Variants in PRKD1 observed in about 807,000 individuals in gnomAD.
PRKD1 encodes protein kinase D1.
PRKD1 carries 63 observed loss-of-function variants against 95.9 expected under a neutral mutation model. The observed-to-expected ratio is 0.66, with a 90% CI of 0.54 to 0.81. The LOEUF is 0.81. Among genes scored for constraint, PRKD1 ranks in the 30% least tolerant of loss-of-function variants. PRKD1 has a pLI of 0.00. For missense variants in PRKD1, 1,048 were observed against 1,165.3 expected (o/e 0.90, Z 1.47); for synonymous variants, 425 against 423.1 (o/e 1.00, Z -0.05).
chr14:29,780,987 T>C (rs546457957), intron 1 of PRKD1, among the ~76,000 whole-genome samples: 1 of 152,050 alleles, frequency 6.6e-6, no homozygotes, highest in South Asian at 2.1e-4. Flanking sequence ...ATGTCCTTTG[T>C]AGGGACATGG....
At chr14:29,668,574 A>C (rs1478523620) in intron 2 of PRKD1, among the ~76,000 whole-genome samples, 1 of 152,174 alleles carries the variant, frequency 6.6e-6, no homozygotes, top group African/African-American at 2.4e-5. Flanking sequence ...TGAGCCAAAA[A>C]CCCTAAGATA....
chr14:29,891,459 T>C (rs1403162798), intron 1 of PRKD1, among the ~76,000 whole-genome samples: 1 of 152,242 alleles, frequency 6.6e-6, no homozygotes, highest in African/African-American at 2.4e-5. Context: ...TATGTCACTA[T>C]TGCAGGCCAC....
At chr14:29,792,348 G>C (rs1889587001) in intron 1 of PRKD1, among the ~76,000 whole-genome samples, 1 of 152,008 alleles carries the variant, frequency 6.6e-6, no homozygotes, top group African/African-American at 2.4e-5. Context: ...CTTATGTAAG[G>C]TCAGAAGGTC....
chr14:29,823,401 G>A (rs555373382), intron 1 of PRKD1, among the ~76,000 whole-genome samples: 13 of 152,000 alleles, frequency 8.6e-5, no homozygotes, highest in South Asian at 2.1e-4. Flanking sequence ...TATGTTTTCC[G>A]AGAATAATGC....
chr14:29,681,618 T>G (rs538095483), intron 2 of PRKD1, among the ~76,000 whole-genome samples: 39 of 152,264 alleles, frequency 2.6e-4, no homozygotes, highest in Non-Finnish European at 4.7e-4. Context: ...ATGAGCAGCA[T>G]TATTCGCCAA....
At chr14:29,812,782 G>C (rs530255955) in intron 1 of PRKD1, among the ~76,000 whole-genome samples, 1 of 152,272 alleles carries the variant, frequency 6.6e-6, no homozygotes, top group East Asian at 1.9e-4. Flanking sequence ...GGGACACAGA[G>C]CCAAACCATA....
intron 10 of PRKD1, 24 bp downstream of exon 10, chr14:29,630,718 T>A (rs1879942902): frequency 1.2e-6 from 2 of 1,613,752 alleles, no homozygotes. Flanking sequence ...AGCTTTGGGC[T>A]GGTTAGAAAA....
intron 1 of PRKD1, among the ~76,000 whole-genome samples, chr14:29,804,137 G>T (rs1890139075): frequency 6.6e-6 from 1 of 151,980 alleles, no homozygotes; most frequent in Admixed American, 6.6e-5. Context: ...AGCTACTGGG[G>T]AGGCTGAGGC....
chr14:29,727,601 C>G (rs1219666967), intron 1 of PRKD1, among the ~76,000 whole-genome samples: 1 of 150,802 alleles, frequency 6.6e-6, no homozygotes, highest in Non-Finnish European at 1.5e-5. Flanking sequence ...CCAGTTTCAG[C>G]TTTCTACATA....
At chr14:29,838,329 C>T (rs1377650383) in intron 1 of PRKD1, among the ~76,000 whole-genome samples, 1 of 152,080 alleles carries the variant, frequency 6.6e-6, no homozygotes, top group Non-Finnish European at 1.5e-5. Context: ...CAAACATCAA[C>T]AGACCACCAA....
At chr14:29,792,650 CA>C (rs903786247) in intron 1 of PRKD1, among the ~76,000 whole-genome samples, 16 of 152,054 alleles carry the variant, frequency 1.1e-4, no homozygotes, top group African/African-American at 3.9e-4. Flanking sequence ...CAGCGGCAGT[CA>C]GGAAAATTTC....
chr14:29,755,959 A>C (rs942438641), intron 1 of PRKD1, among the ~76,000 whole-genome samples: 5 of 152,244 alleles, frequency 3.3e-5, no homozygotes, highest in African/African-American at 1.2e-4. Context: ...CTATTATCAC[A>C]CACATTCATC....
chr14:29,780,451 G>A (rs117465809), intron 1 of PRKD1, among the ~76,000 whole-genome samples: 3,774 of 151,726 alleles, frequency 0.025, 57 homozygotes, highest in Non-Finnish European at 0.041. Context: ...AGAAAACATC[G>A]AACAACCCCA....
intron 2 of PRKD1, among the ~76,000 whole-genome samples, chr14:29,714,947 C>T (rs190740015): frequency 3.3e-5 from 5 of 151,930 alleles, no homozygotes; most frequent in East Asian, 1.9e-4. Flanking sequence ...AATCACACAC[C>T]GGGGCCCGTT....
At chr14:29,840,071 T>C (rs1891771570) in intron 1 of PRKD1, among the ~76,000 whole-genome samples, 1 of 152,064 alleles carries the variant, frequency 6.6e-6, no homozygotes, top group Non-Finnish European at 1.5e-5. Context: ...CCTCAGAAAA[T>C]GGGATTTTCT....
intron 1 of PRKD1, among the ~76,000 whole-genome samples, chr14:29,763,793 C>T (rs1045864020): frequency 6.6e-6 from 1 of 151,190 alleles, no homozygotes; most frequent in African/African-American, 2.4e-5. Flanking sequence ...GCTCTCTCCT[C>T]CCTCTTTCCT....
At chr14:29,619,958 A>T (rs1311354342) in intron 13 of PRKD1, among the ~76,000 whole-genome samples, 2 of 151,934 alleles carry the variant, frequency 1.3e-5, no homozygotes, top group African/African-American at 4.8e-5. Flanking sequence ...ACAGCATGGT[A>T]CTGGTACCAA....
At chr14:29,683,644 A>T (rs1883669301) in intron 2 of PRKD1, among the ~76,000 whole-genome samples, 1 of 152,258 alleles carries the variant, frequency 6.6e-6, no homozygotes, top group Admixed American at 6.5e-5. Context: ...TCCAAATAGA[A>T]GGGTTTAAAA....
intron 1 of PRKD1, among the ~76,000 whole-genome samples, chr14:29,886,992 AC>A (rs1893730426): frequency 1.3e-5 from 2 of 152,180 alleles, no homozygotes; most frequent in African/African-American, 4.8e-5. Flanking sequence ...CTGGAAAGGA[AC>A]TTGTGCACAT....
Sources: gnomAD v4.1 joint callset for allele counts (sites outside exome capture counted in the v4.1 genomes callset) on GRCh38, gnomAD v4.1.1 for gene constraint, MANE v1.5 for transcripts, NCBI Gene and HGNC (gene_info 2026-07-23, HGNC 2026-07-21) for gene names.